ETFRF1: variants seen among roughly 807,000 people sequenced by gnomAD.
ETFRF1 encodes the protein LYR motif containing 5.
In ETFRF1, 12 loss-of-function variants were observed where a neutral mutation model predicts 9.0. The observed-to-expected ratio is 1.34, with a 90% CI of 0.86 to 2.16. The LOEUF is 2.16. ETFRF1 is among the 30% of genes most tolerant of loss of function. The probability of loss-of-function intolerance (pLI) is 0.00; values close to 1 mark genes in which losing one functional copy is unlikely to be tolerated. For synonymous variants in ETFRF1, 34 were observed against 33.2 expected, an observed-to-expected ratio of 1.02 and a Z score of -0.08; for missense variants, 98 against 101.8, an observed-to-expected ratio of 0.96 and a Z score of 0.16.
chr12:25,195,507 C>G, intron 1 of ETFRF1, 170 bp downstream of exon 1: 1 of 283,664 alleles, frequency 3.5e-6, no homozygotes, highest in Non-Finnish European at 6.9e-6. Flanking sequence ...GTGAGGGTTT[C>G]GAGAAGGAAA....
At chr12:25,199,190 T>C (rs1229546492) in intron 1 of ETFRF1, among the ~76,000 whole-genome samples, 1 of 150,010 alleles carries the variant, frequency 6.7e-6, no homozygotes, top group Non-Finnish European at 1.5e-5. Flanking sequence ...TAATATATAC[T>C]ACATATAGTA....
intron 1 of ETFRF1, among the ~76,000 whole-genome samples, chr12:25,203,357 C>T (rs1382822540): frequency 6.6e-6 from 1 of 152,184 alleles, no homozygotes; most frequent in African/African-American, 2.4e-5. Context: ...GCCTCTTCAC[C>T]ACCAATCTTA....
At chr12:25,203,759 G>A (rs950902210) in intron 1 of ETFRF1, 161 bp from the exon 2 acceptor site, 13 of 406,158 alleles carry the variant, frequency 3.2e-5, no homozygotes, top group Admixed American at 8.9e-5. Context: ...TAATTTTATC[G>A]GAAGTGTTTA....
intron 1 of ETFRF1, among the ~76,000 whole-genome samples, chr12:25,202,901 C>T (rs75134668): frequency 0.015 from 2,346 of 152,126 alleles, 42 homozygotes; most frequent in Middle Eastern, 0.054. Flanking sequence ...CACCTAAATC[C>T]GTATGTATAT....
At chr12:25,200,389 ATTGCAAGGGCCAAC>A (rs1162039205) in intron 1 of ETFRF1, among the ~76,000 whole-genome samples, 1 of 152,194 alleles carries the variant, frequency 6.6e-6, no homozygotes, top group African/African-American at 2.4e-5. Context: ...AAGTGTCCAG[ATTGCAAGGGCCAAC>A]TGAGTGTCCA....
intron 1 of ETFRF1, among the ~76,000 whole-genome samples, chr12:25,202,287 C>A (rs1191499292): frequency 6.6e-6 from 1 of 151,222 alleles, no homozygotes; most frequent in Non-Finnish European, 1.5e-5. Flanking sequence ...GTCCAAAAGT[C>A]ATTACGTGGG....
At chr12:25,203,760 G>C (rs984967777) in intron 1 of ETFRF1, 160 bp from the exon 2 acceptor site, 4 of 412,220 alleles carry the variant, frequency 9.7e-6, no homozygotes, top group African/African-American at 4.1e-5. Flanking sequence ...AATTTTATCG[G>C]AAGTGTTTAT....
At chr12:25,196,558 T>C (rs984300218) in intron 1 of ETFRF1, among the ~76,000 whole-genome samples, 6 of 152,226 alleles carry the variant, frequency 3.9e-5, no homozygotes, top group African/African-American at 1.4e-4. Flanking sequence ...GAACTGGAAC[T>C]GGTTAAGTCC....
At chr12:25,202,585 G>A (rs138061546) in intron 1 of ETFRF1, among the ~76,000 whole-genome samples, 3 of 152,242 alleles carry the variant, frequency 2.0e-5, no homozygotes, top group Admixed American at 1.3e-4. Context: ...GGGAAAGGGG[G>A]AAGAGAAGAC....
In ETFRF1 at chr12:25,195,249, C is replaced by A; in HGVS notation, c.-126C>A. ...CCCCGCCCCCTTTACTGACAGGTTGCCCACCTCCCCCAACGCCACCCCGCT... is the reference window on the plus strand; with the variant it reads ...CCCCGCCCCCTTTACTGACAGGTTGACCACCTCCCCCAACGCCACCCCGCT... On this transcript the variant is annotated 5_prime_UTR_variant, in exon 1 of 3. Coordinates refer to ENST00000381356, the MANE Select transcript of ETFRF1 (RefSeq NM_001001660.3). The A allele has an allele frequency of 1.4e-6, 1 of 695,180 alleles. No homozygotes were observed. The highest frequency in any genetic ancestry group is 1.8e-5 in the African/African-American group (1 of 56,934). The allele number at this position is 695,180 out of a possible 1,614,324, so 43.1% of individuals were successfully genotyped here. A position where few individuals can be genotyped will look rare whatever the true frequency, so the allele number is the denominator to read the frequency against.
At chr12:25,202,552 T>C (rs1190344015) in intron 1 of ETFRF1, among the ~76,000 whole-genome samples, 3 of 151,964 alleles carry the variant, frequency 2.0e-5, no homozygotes, top group Admixed American at 2.0e-4. Context: ...GTAAGTTGCT[T>C]GAGCCCAAGA....
In ETFRF1 at chr12:25,205,126, T is replaced by C. The variant is rs1036253399; in HGVS notation, c.*814T>C. The C allele has an allele frequency of 9.2e-6, 2 of 217,142 alleles. No individual in the cohort carries two copies. The highest frequency in any genetic ancestry group is 1.9e-5 in the Non-Finnish European group (2 of 107,576). The allele number at this position is 217,142 out of a possible 1,614,324, so 13.5% of individuals were successfully genotyped here. On this transcript the variant is annotated 3_prime_UTR_variant, in exon 3 of 3. Coordinates refer to ENST00000381356, the MANE Select transcript of ETFRF1 (RefSeq NM_001001660.3). ...CACAGCACCTTTTAGAAATAAAGGA[T>C]ACTTCTAACAAGCTGCATAAAAGAT...
intron 1 of ETFRF1, 43 bp from the exon 2 acceptor site, chr12:25,203,877 G>T: frequency 1.9e-6 from 2 of 1,064,472 alleles, no homozygotes; most frequent in South Asian, 4.6e-5. Flanking sequence ...ATTTTTTTAA[G>T]ACTACAATGC....
At chr12:25,196,639 G>A (rs549207969) in intron 1 of ETFRF1, among the ~76,000 whole-genome samples, 30 of 152,260 alleles carry the variant, frequency 2.0e-4, no homozygotes, top group African/African-American at 7.0e-4. Context: ...CTCATCCAGC[G>A]CACACATCCA....
chr12:25,204,009 T>C lies in ETFRF1; in HGVS notation c.51+2T>C, dbSNP rs182913186. ...GAAGTACTAAAACTTTATAAAAATGTAAGTAATTATGTTGCCAATTTTATA... is the reference window on the plus strand; with the variant it reads ...GAAGTACTAAAACTTTATAAAAATGCAAGTAATTATGTTGCCAATTTTATA... On this transcript the variant is annotated splice_donor_variant, in intron 2 of 2. Coordinates refer to ENST00000381356, the MANE Select transcript of ETFRF1 (RefSeq NM_001001660.3). LOFTEE classifies it high-confidence loss of function. 2.9e-5 allele frequency: 43 copies of C among 1,508,374 alleles called. No individual in the cohort carries two copies. The East Asian group carries it at 1.0e-3, about 35-fold the overall frequency. The allele number at this position is 1,508,374 out of a possible 1,614,324, so 93.4% of individuals were successfully genotyped here.
intron 1 of ETFRF1, among the ~76,000 whole-genome samples, chr12:25,202,677 C>T (rs113010902): frequency 1.5e-4 from 23 of 152,040 alleles, no homozygotes; most frequent in African/African-American, 5.5e-4. Context: ...CGAATGGTGA[C>T]AGCAAGAGGA....
intron 1 of ETFRF1, among the ~76,000 whole-genome samples, chr12:25,202,611 G>A (rs2141471154): frequency 6.6e-6 from 1 of 152,272 alleles, no homozygotes; most frequent in South Asian, 2.1e-4. Flanking sequence ...ATGTGGGATG[G>A]TGGCAGTGGC....
chr12:25,204,123 A>T lies in ETFRF1; in HGVS notation c.84A>T (p.Gly28=), dbSNP rs767562190. The T allele has an allele frequency of 2.5e-6, 4 of 1,601,102 alleles. No individual in the cohort carries two copies. In the South Asian group the frequency reaches 3.3e-5, roughly 13 times the overall value. ...ATCTTGGACGAGACTATCCAAAAGG[A>T]GCAGACTATTTTAAAAAGCGTTTGA... The part of the protein sequence containing the change: ...LLYLGRDYPK[G]ADYFKKRLKN... Residue 28 remains glycine, a synonymous_variant, in exon 3 of 3, where the codon GGA becomes GGT. Transcript: ENST00000381356.
At chr12:25,202,047 C>T (rs535041801) in intron 1 of ETFRF1, among the ~76,000 whole-genome samples, 10 of 49,308 alleles carry the variant, frequency 2.0e-4, no homozygotes, top group South Asian at 1.4e-3. Flanking sequence ...GGTGAAACCC[C>T]GTCTCTACTG....
Sources: gnomAD v4.1 joint callset for allele counts (sites outside exome capture counted in the v4.1 genomes callset) on GRCh38, gnomAD v4.1.1 for gene constraint, MANE v1.5 for transcripts, NCBI Gene and HGNC (gene_info 2026-07-23, HGNC 2026-07-21) for gene names.